The following LUZP2 variants were observed in gnomAD, a reference collection of about 807,000 sequenced individuals.
The protein encoded by LUZP2 is leucine zipper protein 2.
LUZP2 carries 52 observed loss-of-function variants against 51.6 expected under a neutral mutation model. The ratio of observed to expected loss-of-function variants is 1.01; its 90% CI spans 0.81 to 1.27. LUZP2 has a LOEUF of 1.27. LUZP2 is among the 50% of genes most tolerant of loss of function. LUZP2 has a pLI of 0.00. For missense variants in LUZP2, 436 were observed against 395.4 expected (o/e 1.10, Z -0.87); for synonymous variants, 154 against 137.3 (o/e 1.12, Z -0.85).
intron 1 of LUZP2, among the ~76,000 whole-genome samples, chr11:24,535,304 G>A (rs1221325193): frequency 6.6e-6 from 1 of 151,390 alleles, no homozygotes; most frequent in Non-Finnish European, 1.5e-5. Context: ...CAACAATAAA[G>A]TTTGTTTTGT....
At chr11:24,754,124 T>G (rs1859688926) in intron 4 of LUZP2, among the ~76,000 whole-genome samples, 1 of 152,184 alleles carries the variant, frequency 6.6e-6, no homozygotes. Context: ...TCTCTTTTTC[T>G]TTGTAGTTTC....
chr11:24,500,664 T>C (rs557682387), intron 1 of LUZP2, among the ~76,000 whole-genome samples: 2 of 152,168 alleles, frequency 1.3e-5, no homozygotes, highest in African/African-American at 4.8e-5. Context: ...TTGATGCCTT[T>C]GGATTGTTAA....
intron 4 of LUZP2, among the ~76,000 whole-genome samples, chr11:24,755,294 A>G (rs1358195765): frequency 6.6e-6 from 1 of 152,128 alleles, no homozygotes; most frequent in African/African-American, 2.4e-5. Context: ...AAGTTTTAGT[A>G]GTTACTTGTT....
intron 1 of LUZP2, among the ~76,000 whole-genome samples, chr11:24,653,808 A>G (rs1249749230): frequency 2.0e-5 from 3 of 152,202 alleles, no homozygotes; most frequent in Non-Finnish European, 4.4e-5. Context: ...AGAGTCTACA[A>G]ATGTGTAGGA....
chr11:24,814,364 G>C (rs1850110077), intron 5 of LUZP2, among the ~76,000 whole-genome samples: 1 of 152,084 alleles, frequency 6.6e-6, no homozygotes. Flanking sequence ...GTGAGATCAA[G>C]TGGTTTCTAC....
At chr11:24,667,350 A>AT (rs1219028580) in intron 1 of LUZP2, among the ~76,000 whole-genome samples, 2 of 151,366 alleles carry the variant, frequency 1.3e-5, no homozygotes, top group East Asian at 2.0e-4. Flanking sequence ...TGCTTGGCTA[A>AT]TTTTTTTTGT....
rs1209136957 is a variant in LUZP2, at chr11:24,741,928, ATTATATATAAATATATACATTTATATATT to A, written c.333+3627_333+3655del. ...TTCTATATAATATATACATTTATAT[ATTATATATAAATATATACATTTATATATT>A]ATATATAAATATATACATTTATATA... On this transcript the variant is annotated intron_variant, in intron 4 of 11. Transcript: ENST00000336930. 6.3e-4 allele frequency among the ~76,000 whole-genome samples: 12 copies of A among 18,980 alleles called. No homozygotes were observed. The East Asian group carries it at 0.034, about 55-fold the overall frequency. 12.5% of individuals were successfully genotyped at this position (18,980 alleles called of 152,430 possible).
chr11:24,604,713 G>A (rs34376286), intron 1 of LUZP2, among the ~76,000 whole-genome samples: 46,607 of 151,424 alleles, frequency 0.31, 7,509 homozygotes, highest in African/African-American at 0.37. Context: ...TCAAAGTAAT[G>A]AAATGAAGCG....
intron 6 of LUZP2, among the ~76,000 whole-genome samples, chr11:24,908,723 A>T (rs990481977): frequency 6.6e-6 from 1 of 151,654 alleles, no homozygotes; most frequent in African/African-American, 2.4e-5. Flanking sequence ...AAATCCTCAG[A>T]CAGGAAGTTG....
At chr11:24,908,235 G>T (rs973182975) in intron 6 of LUZP2, among the ~76,000 whole-genome samples, 1 of 152,044 alleles carries the variant, frequency 6.6e-6, no homozygotes, top group African/African-American at 2.4e-5. Flanking sequence ...GTTTTAATTT[G>T]CCAGAGGATA....
At chr11:24,671,561 TACACACACACACAC>T (rs61319296) in intron 1 of LUZP2, among the ~76,000 whole-genome samples, 1 of 148,024 alleles carries the variant, frequency 6.8e-6, no homozygotes, top group Non-Finnish European at 1.5e-5. Context: ...CTCTCTGTCT[TACACACACACACAC>T]ACACACACAC....
At chr11:24,994,051 G>A (rs1223893947) in intron 9 of LUZP2, among the ~76,000 whole-genome samples, 3 of 152,120 alleles carry the variant, frequency 2.0e-5, no homozygotes, top group East Asian at 3.9e-4. Flanking sequence ...AGTAAAGATG[G>A]GGTTTCACCA....
intron 10 of LUZP2, among the ~76,000 whole-genome samples, chr11:25,059,376 T>C (rs1858771785): frequency 6.6e-6 from 1 of 152,150 alleles, no homozygotes; most frequent in Non-Finnish European, 1.5e-5. Flanking sequence ...TAGAGTATAA[T>C]TAAAAATAAA....
intron 5 of LUZP2, among the ~76,000 whole-genome samples, chr11:24,883,885 G>A (rs991476631): frequency 9.9e-5 from 15 of 151,934 alleles, no homozygotes; most frequent in Non-Finnish European, 2.2e-4. Flanking sequence ...AACTCCATAA[G>A]TAGAATTCGG....
chr11:24,656,473 TAAAAG>T (rs1484315676), intron 1 of LUZP2, among the ~76,000 whole-genome samples: 1 of 152,146 alleles, frequency 6.6e-6, no homozygotes, highest in Non-Finnish European at 1.5e-5. Context: ...CTTAGTGTCT[TAAAAG>T]AACACAAATT....
chr11:24,836,638 A>G (rs976291), intron 5 of LUZP2, among the ~76,000 whole-genome samples: 23,804 of 151,798 alleles, frequency 0.16, 2,073 homozygotes, highest in African/African-American at 0.22. Context: ...GATACATCAC[A>G]ATAGCCAAAG....
At chr11:24,634,597 T>C (rs1565043389) in intron 1 of LUZP2, among the ~76,000 whole-genome samples, 2 of 150,834 alleles carry the variant, frequency 1.3e-5, no homozygotes, top group Admixed American at 1.3e-4. Flanking sequence ...GCATTACTGC[T>C]TTTTTAAAGT....
intron 4 of LUZP2, among the ~76,000 whole-genome samples, chr11:24,760,682 G>T (rs958240011): frequency 3.3e-5 from 5 of 152,156 alleles, no homozygotes; most frequent in African/African-American, 1.2e-4. Context: ...GTGTTAACAG[G>T]TGTTGTAAAA....
intron 4 of LUZP2, among the ~76,000 whole-genome samples, chr11:24,756,747 G>C (rs1859790722): frequency 6.6e-6 from 1 of 152,140 alleles, no homozygotes; most frequent in Non-Finnish European, 1.5e-5. Flanking sequence ...CACCAGCTGA[G>C]TCTCCTCCAA....
Sources: allele counts gnomAD v4.1 joint callset (sites outside exome capture counted in the v4.1 genomes callset), GRCh38; gene constraint gnomAD v4.1.1; transcripts MANE v1.5; gene names NCBI Gene and HGNC (gene_info 2026-07-23, HGNC 2026-07-21).